Variants in MYO1F observed in about 807,000 individuals in gnomAD.
The protein encoded by MYO1F is unconventional myosin-If.
Under a neutral mutation model 146.6 loss-of-function variants are expected in MYO1F, and 60 were observed. That is an observed-to-expected ratio of 0.41 (90% CI 0.33 to 0.51). The LOEUF is 0.51. MYO1F is among the 20% of genes least tolerant of loss of function. MYO1F has a pLI of 0.25. For missense variants in MYO1F, 1,274 were observed against 1,534.3 expected (o/e 0.83, Z 2.83); for synonymous variants, 602 against 602.1 (o/e 1.00, Z 0.00).
chr19:8,547,204 A>C (rs968411337), intron 12 of MYO1F, among the ~76,000 whole-genome samples: 4 of 147,238 alleles, frequency 2.7e-5, no homozygotes, highest in Non-Finnish European at 4.5e-5. Flanking sequence ...GAGAGGCTGA[A>C]GTGGGAGGAT....
chr19:8,565,358 C>T (rs143542176), intron 1 of MYO1F, among the ~76,000 whole-genome samples: 2,341 of 151,720 alleles, frequency 0.015, 26 homozygotes, highest in Non-Finnish European at 0.022. Flanking sequence ...GCCTGACCAA[C>T]GTGGGGAAAC....
chr19:8,522,741 G>C lies in MYO1F; in HGVS notation c.2943C>G (p.Pro981=). 6.2e-7 allele frequency: 1 copy of C among 1,612,638 alleles called. No individual in the cohort carries two copies. Among genetic ancestry groups the C allele is most frequent in the Non-Finnish European group, 8.5e-7 (1 of 1,179,748 alleles). The part of the protein sequence containing the change: ...IMSGGGTHRP[P]RGPPSTSLGA... Reference sequence around the variant, plus strand: ...CCAGGGATGTGGACGGAGGGCCCCGGGGAGGCCTGTGGGTGCCCCCTCCAG... The same window carrying C: ...CCAGGGATGTGGACGGAGGGCCCCGCGGAGGCCTGTGGGTGCCCCCTCCAG... The change falls in exon 26 of 28, where the codon CCC becomes CCG. Residue 981 remains proline (P), a synonymous_variant. Coordinates refer to ENST00000644032, the MANE Select transcript of MYO1F (RefSeq NM_012335.4).
At chr19:8,560,624 G>C (rs1395620703) in intron 1 of MYO1F, among the ~76,000 whole-genome samples, 1 of 152,102 alleles carries the variant, frequency 6.6e-6, no homozygotes, top group Admixed American at 6.6e-5. Flanking sequence ...TCCCAGGCTG[G>C]AGTGCAGTGG....
At position 8,521,301 on chromosome 19, in the gene MYO1F, GA is replaced by G; in HGVS notation, c.*226del. 1.7e-6 allele frequency: 1 copy of G among 587,942 alleles called. No individual in the cohort carries two copies. The highest frequency in any genetic ancestry group is 3.1e-6 in the Non-Finnish European group (1 of 326,608). 36.4% of individuals were successfully genotyped at this position (587,942 alleles called of 1,614,324 possible). On this transcript the variant is annotated 3_prime_UTR_variant, in exon 28 of 28. Coordinates refer to ENST00000644032, the MANE Select transcript of MYO1F (RefSeq NM_012335.4). ...GTCCCCTTTGACACACACAGAAATG[GA>G]GAATGGGCAGCAGGTGTGATGTTGG...
Position 8,546,158 on chromosome 19 carries a change from G to C in MYO1F, c.1270-422C>G, listed in dbSNP as rs59034061. ...TGGCTCATCGCAACCTCCGCCTCCCGAGTTCAAGCGATTCTCCTGCCTCAG... is the reference window on the plus strand; with the variant it reads ...TGGCTCATCGCAACCTCCGCCTCCCCAGTTCAAGCGATTCTCCTGCCTCAG... On this transcript the variant is annotated intron_variant, in intron 12 of 27. Coordinates refer to ENST00000644032, the MANE Select transcript of MYO1F (RefSeq NM_012335.4). Among the ~76,000 whole-genome samples, 62 of 139,572 alleles carry C rather than the reference G, an allele frequency of 4.4e-4. 1 individual carries two copies. The highest frequency in any genetic ancestry group is 1.6e-3 in the African/African-American group (60 of 38,170). The allele number at this position is 139,572 out of a possible 152,430, so 91.6% of individuals were successfully genotyped here.
chr19:8,554,783 T>C (rs1289287506), intron 2 of MYO1F, 40 bp from the exon 3 acceptor site: 23 of 1,587,084 alleles, frequency 1.4e-5, no homozygotes, highest in Non-Finnish European at 1.6e-5. Context: ...CCTGGTAGGT[T>C]TTGTCCTCCC....
At chr19:8,521,660 A>C (rs1972065249) in intron 27 of MYO1F, 56 bp from the exon 28 acceptor site, 1 of 1,524,564 alleles carries the variant, frequency 6.6e-7, no homozygotes, top group Non-Finnish European at 9.1e-7. Flanking sequence ...GAAAGCTCTC[A>C]TGCCTGGTCT....
intron 1 of MYO1F, among the ~76,000 whole-genome samples, chr19:8,562,883 G>A (rs2041931773): frequency 6.6e-6 from 1 of 152,146 alleles, no homozygotes. Flanking sequence ...GCCGGTGGTG[G>A]CGTTAAAAAT....
At position 8,553,894 on chromosome 19, in the gene MYO1F, A is replaced by ACACACACACACACTCTCTCT; in HGVS notation, c.327-458_327-457insAGAGAGAGTGTGTGTGTGTG. Among the ~76,000 whole-genome samples, 141 of 102,654 alleles carry ACACACACACACACTCTCTCT rather than the reference A, an allele frequency of 1.4e-3. 2 individuals carry two copies. Among genetic ancestry groups the ACACACACACACACTCTCTCT allele is most frequent in the African/African-American group, 4.8e-3 (116 of 23,974 alleles). 67.3% of individuals were successfully genotyped at this position (102,654 alleles called of 152,430 possible). A position where few individuals can be genotyped will look rare whatever the true frequency, so the allele number is the denominator to read the frequency against. On this transcript the variant is annotated intron_variant, in intron 4 of 27. Transcript: ENST00000644032. ...CACACACACACACACACACACACAC[A>ACACACACACACACTCTCTCT]CTCTCTCTCTCTCTCTCTCTCTCTC...
intron 1 of MYO1F, among the ~76,000 whole-genome samples, chr19:8,572,738 C>G (rs2042134133): frequency 6.6e-6 from 1 of 152,180 alleles, no homozygotes; most frequent in Admixed American, 6.6e-5. Context: ...CTCTGTTGCT[C>G]AGGCTGGAGT....
chr19:8,559,651 T>C (rs1306019560), intron 1 of MYO1F, among the ~76,000 whole-genome samples: 2 of 151,742 alleles, frequency 1.3e-5, no homozygotes, highest in East Asian at 3.9e-4. Flanking sequence ...CTGAGGGGCA[T>C]TTGAAAGAAT....
chr19:8,524,105 CAA>C (rs1295813936), intron 25 of MYO1F, among the ~76,000 whole-genome samples: 14 of 79,252 alleles, frequency 1.8e-4, no homozygotes, highest in East Asian at 8.0e-4. Context: ...GGCAACAGAG[CAA>C]GACACCGTCT....
intron 2 of MYO1F, among the ~76,000 whole-genome samples, chr19:8,555,155 C>T (rs1600006395): frequency 6.6e-6 from 1 of 150,886 alleles, no homozygotes; most frequent in Non-Finnish European, 1.5e-5. Context: ...GCACTCCAGC[C>T]TGGGCAACAA....
chr19:8,563,594 C>T (rs1214680996), intron 1 of MYO1F, among the ~76,000 whole-genome samples: 2 of 150,644 alleles, frequency 1.3e-5, no homozygotes, highest in African/African-American at 4.9e-5. Flanking sequence ...CTGCAACCTT[C>T]GCCTCCCGGG....
At chr19:8,544,036 C>CGGTGCTGGT (rs1973219322) in intron 14 of MYO1F, 1 of 269,562 alleles carries the variant, frequency 3.7e-6, no homozygotes, top group Admixed American at 7.9e-5. Context: ...GTGGCGGTGG[C>CGGTGCTGGT]GGTGCTGGTG....
intron 1 of MYO1F, among the ~76,000 whole-genome samples, chr19:8,558,413 A>G (rs545207577): frequency 1.3e-5 from 2 of 151,500 alleles, no homozygotes; most frequent in South Asian, 4.2e-4. Context: ...TGATCCTCCC[A>G]CCTCAGCCTC....
chr19:8,544,046 G>GCA, intron 14 of MYO1F: 1 of 573,996 alleles, frequency 1.7e-6, no homozygotes, highest in Non-Finnish European at 3.1e-6. Context: ...CGGTGCTGGT[G>GCA]GTGGTGGTGG....
intron 14 of MYO1F, among the ~76,000 whole-genome samples, chr19:8,543,104 A>G (rs929902052): frequency 3.3e-5 from 5 of 151,466 alleles, no homozygotes; most frequent in Admixed American, 1.3e-4. Flanking sequence ...GGGTTTCACC[A>G]TGTTGGCCAG....
At chr19:8,534,543 G>C (rs1333335308) in intron 19 of MYO1F, among the ~76,000 whole-genome samples, 2 of 151,904 alleles carry the variant, frequency 1.3e-5, no homozygotes, top group Non-Finnish European at 2.9e-5. Context: ...CTAACCTCAA[G>C]TGATCCACCA....
Sources: gnomAD v4.1 joint callset for allele counts (sites outside exome capture counted in the v4.1 genomes callset) on GRCh38, gnomAD v4.1.1 for gene constraint, MANE v1.5 for transcripts, NCBI Gene and HGNC (gene_info 2026-07-23, HGNC 2026-07-21) for gene names.